Variants in PRKCE observed in about 807,000 individuals in gnomAD.
PRKCE encodes the protein protein kinase C epsilon type.
PRKCE carries 16 observed loss-of-function variants against 85.4 expected under a neutral mutation model. The ratio of observed to expected loss-of-function variants is 0.19; its 90% CI spans 0.13 to 0.28. The LOEUF (loss-of-function observed/expected upper bound fraction) is 0.28, where lower values mean the gene tolerates loss of function less well. Among genes scored for constraint, PRKCE ranks in the 10% least tolerant of loss-of-function variants. The pLI, the probability that PRKCE is intolerant of heterozygous loss-of-function variation, is 1.00. For synonymous variants in PRKCE, 388 were observed against 371.5 expected (o/e 1.04, Z -0.51); for missense variants, 573 against 975.2 (o/e 0.59, Z 5.49).
intron 1 of PRKCE, among the ~76,000 whole-genome samples, chr2:45,760,113 G>A (rs1684338201): frequency 6.6e-6 from 1 of 152,194 alleles, no homozygotes; most frequent in Non-Finnish European, 1.5e-5. Context: ...ATCAGGGAAG[G>A]TTACTTGGAG....
chr2:45,833,759 C>A (rs1349430728), intron 1 of PRKCE, among the ~76,000 whole-genome samples: 1 of 152,204 alleles, frequency 6.6e-6, no homozygotes, highest in Non-Finnish European at 1.5e-5. Context: ...GGGACCATTG[C>A]AAATCAAAAT....
At chr2:46,007,209 C>A (rs1012911914) in intron 8 of PRKCE, among the ~76,000 whole-genome samples, 3 of 152,292 alleles carry the variant, frequency 2.0e-5, no homozygotes, top group Non-Finnish European at 4.4e-5. Flanking sequence ...CCAGTGTAAT[C>A]TGGAGTTGAC....
intron 2 of PRKCE, among the ~76,000 whole-genome samples, chr2:45,939,701 C>T (rs778046033): frequency 1.6e-4 from 25 of 152,106 alleles, no homozygotes; most frequent in Non-Finnish European, 3.1e-4. Context: ...ACTACAGGTG[C>T]GTGCCACCAG....
intron 1 of PRKCE, among the ~76,000 whole-genome samples, chr2:45,785,341 A>C (rs2105038600): frequency 6.6e-6 from 1 of 152,230 alleles, no homozygotes; most frequent in East Asian, 1.9e-4. Context: ...AATTACAAAA[A>C]TTAGCTGGGT....
rs911330061 is a variant in PRKCE, at chr2:45,847,777, C to G, written c.412+4714C>G. ...TATTTTAGTTCTCTTCTTCAGAAAG[C>G]TTTTTATAGAAATATAAAGCCAAAG... On this transcript the variant is annotated intron_variant, in intron 2 of 14. Coordinates refer to ENST00000306156, the MANE Select transcript of PRKCE (RefSeq NM_005400.3). Among the ~76,000 whole-genome samples, 3 of 152,310 alleles carry G rather than the reference C, an allele frequency of 2.0e-5. 1 individual carries two copies. The highest frequency in any genetic ancestry group is 3.9e-4 in the East Asian group (2 of 5,188).
At chr2:45,881,774 G>GT (rs1407725846) in intron 2 of PRKCE, among the ~76,000 whole-genome samples, 1 of 152,150 alleles carries the variant, frequency 6.6e-6, no homozygotes, top group Non-Finnish European at 1.5e-5. Flanking sequence ...CTGGCTCTGT[G>GT]TCCTTAATCT....
At chr2:46,017,285 C>G (rs1012493518) in intron 10 of PRKCE, among the ~76,000 whole-genome samples, 1 of 152,156 alleles carries the variant, frequency 6.6e-6, no homozygotes, top group Non-Finnish European at 1.5e-5. Flanking sequence ...CTCTAGGTAC[C>G]TCTTATAAGT....
intron 1 of PRKCE, among the ~76,000 whole-genome samples, chr2:45,706,692 G>GC (rs1189602520): frequency 6.6e-6 from 1 of 152,122 alleles, no homozygotes; most frequent in Non-Finnish European, 1.5e-5. Flanking sequence ...TGATAGTTTG[G>GC]CCCCCCACAA....
chr2:46,060,451 G>C (rs1383232537), intron 10 of PRKCE, among the ~76,000 whole-genome samples: 1 of 152,122 alleles, frequency 6.6e-6, no homozygotes, highest in Non-Finnish European at 1.5e-5. Context: ...AGTTGTCTGG[G>C]AGCTCTCCTG....
chr2:45,922,530 A>C (rs538045577), intron 2 of PRKCE, among the ~76,000 whole-genome samples: 2 of 152,090 alleles, frequency 1.3e-5, no homozygotes, highest in African/African-American at 4.8e-5. Context: ...TCTTCCTTTA[A>C]CTTTTGGATG....
chr2:45,704,107 G>C (rs768828781), intron 1 of PRKCE, among the ~76,000 whole-genome samples: 8 of 152,168 alleles, frequency 5.3e-5, no homozygotes, highest in Non-Finnish European at 1.2e-4. Context: ...GAATAGAAAA[G>C]GGTCAAGGAA....
chr2:45,908,537 C>T (rs1340264588), intron 2 of PRKCE, among the ~76,000 whole-genome samples: 2 of 152,212 alleles, frequency 1.3e-5, no homozygotes, highest in African/African-American at 4.8e-5. Context: ...GTGGCTGTGG[C>T]TTCTGCATTT....
At chr2:45,898,745 C>T (rs994271073) in intron 2 of PRKCE, among the ~76,000 whole-genome samples, 5 of 152,098 alleles carry the variant, frequency 3.3e-5, no homozygotes, top group Non-Finnish European at 5.9e-5. Context: ...GATTTGAATA[C>T]TATTGTAACC....
In PRKCE at chr2:45,980,263, G is replaced by T. The variant is rs763715926; in HGVS notation, c.608-33G>T. ...GGGAGGGACACTCCCTTTCCTGAGT[G>T]TCATTCAGCCTTCCTGTCTTTGCTA... On this transcript the variant is annotated intron_variant, in intron 4 of 14. Coordinates refer to ENST00000306156, the MANE Select transcript of PRKCE (RefSeq NM_005400.3). The T allele has an allele frequency of 3.8e-5, 60 of 1,594,174 alleles. 1 individual carries two copies. The South Asian group carries it at 6.5e-4, about 17-fold the overall frequency.
At chr2:45,830,733 T>A (rs1488824716) in intron 1 of PRKCE, among the ~76,000 whole-genome samples, 2 of 152,220 alleles carry the variant, frequency 1.3e-5, no homozygotes, top group Non-Finnish European at 2.9e-5. Context: ...CAACGTCACC[T>A]ATTAAACAAC....
rs538635358 is a variant in PRKCE, at chr2:46,037,369, C to A, written c.1437+26852C>A. ...AAAGTCTCAGCCTCGCTCACCTCTT[C>A]CCTTCTTCCATCAGTCATTAGCCCT... On this transcript the variant is annotated intron_variant, in intron 10 of 14. Transcript: ENST00000306156. 2.8e-4 allele frequency among the ~76,000 whole-genome samples: 42 copies of A among 152,236 alleles called. 1 individual carries two copies. Among genetic ancestry groups the A allele is most frequent in the Non-Finnish European group, 5.3e-4 (36 of 68,040 alleles).
chr2:45,679,739 G>A (rs556834445), intron 1 of PRKCE, among the ~76,000 whole-genome samples: 49 of 152,268 alleles, frequency 3.2e-4, no homozygotes, highest in African/African-American at 1.2e-3. Context: ...GTCTGCGGGT[G>A]TATGTGGGGC....
chr2:46,131,791 A>T (rs1262229006), intron 11 of PRKCE, among the ~76,000 whole-genome samples: 2 of 152,306 alleles, frequency 1.3e-5, no homozygotes. Flanking sequence ...GTGTCACTCC[A>T]AGAGTTATTG....
At chr2:45,946,083 C>T (rs1158814010) in intron 2 of PRKCE, among the ~76,000 whole-genome samples, 2 of 152,244 alleles carry the variant, frequency 1.3e-5, no homozygotes, top group Non-Finnish European at 2.9e-5. Context: ...GTGGCACATG[C>T]CCTCCCAGGG....
Sources: allele counts gnomAD v4.1 joint callset (sites outside exome capture counted in the v4.1 genomes callset), GRCh38; gene constraint gnomAD v4.1.1; transcripts MANE v1.5; gene names NCBI Gene and HGNC (gene_info 2026-07-23, HGNC 2026-07-21).